KHDRBS2: variants seen among roughly 807,000 people sequenced by gnomAD.
KHDRBS2 encodes the protein KH RNA binding domain containing, signal transduction associated 2.
KHDRBS2 carries 26 observed loss-of-function variants against 44.3 expected under a neutral mutation model. The ratio of observed to expected loss-of-function variants is 0.59; its 90% CI spans 0.43 to 0.81. KHDRBS2 has a LOEUF of 0.81. Ranked by LOEUF, KHDRBS2 falls within the 40% of genes least tolerant of loss-of-function variation. KHDRBS2 has a pLI of 0.00. For missense variants in KHDRBS2, 476 were observed against 433.1 expected, an observed-to-expected ratio of 1.10 and a Z score of -0.88; for synonymous variants, 194 against 151.1, an observed-to-expected ratio of 1.28 and a Z score of -2.08.
chr6:61,566,935 T>C, the KHDRBS2 span, among the ~76,000 whole-genome samples: 1 of 152,096 alleles, frequency 6.6e-6, no homozygotes, highest in South Asian at 2.1e-4. Flanking sequence ...ACTAATGCAA[T>C]AGGGAAGAAA....
chr6:61,745,316 C>T (rs1318301497), intron 6 of KHDRBS2, among the ~76,000 whole-genome samples: 2 of 152,050 alleles, frequency 1.3e-5, no homozygotes, highest in Non-Finnish European at 2.9e-5. Context: ...AGTAGGTTTC[C>T]TTCGACTCCC....
chr6:61,958,503 T>A (rs1223327436), intron 4 of KHDRBS2, among the ~76,000 whole-genome samples: 4 of 152,212 alleles, frequency 2.6e-5, no homozygotes, highest in Non-Finnish European at 5.9e-5. Flanking sequence ...TCTAACAAAC[T>A]ATTCATTGAT....
chr6:61,859,774 A>G (rs1796657886), intron 6 of KHDRBS2, among the ~76,000 whole-genome samples: 1 of 152,036 alleles, frequency 6.6e-6, no homozygotes, highest in South Asian at 2.1e-4. Context: ...TAACATATGT[A>G]TATAAATAGA....
chr6:61,944,804 T>C (rs914287460), intron 4 of KHDRBS2, among the ~76,000 whole-genome samples: 1 of 151,508 alleles, frequency 6.6e-6, no homozygotes, highest in African/African-American at 2.4e-5. Context: ...GTAAAAAACA[T>C]ATGAGGCTGG....
chr6:62,136,063 A>G (rs541494859), intron 2 of KHDRBS2, among the ~76,000 whole-genome samples: 1 of 152,180 alleles, frequency 6.6e-6, no homozygotes, highest in Admixed American at 6.5e-5. Flanking sequence ...TCACCACAAA[A>G]AAAAAAAAGG....
intron 7 of KHDRBS2, among the ~76,000 whole-genome samples, chr6:61,711,383 T>C (rs1367263122): frequency 6.6e-6 from 1 of 151,806 alleles, no homozygotes; most frequent in Non-Finnish European, 1.5e-5. Flanking sequence ...GAATTTATAT[T>C]CAAAAGATAG....
chr6:62,123,117 C>G (rs952654897), intron 2 of KHDRBS2, among the ~76,000 whole-genome samples: 2 of 152,056 alleles, frequency 1.3e-5, no homozygotes, highest in Non-Finnish European at 2.9e-5. Flanking sequence ...TCTCATTGTT[C>G]AACTCTCACC....
At chr6:61,950,030 T>C (rs1016451381) in intron 4 of KHDRBS2, among the ~76,000 whole-genome samples, 1 of 152,070 alleles carries the variant, frequency 6.6e-6, no homozygotes, top group African/African-American at 2.4e-5. Context: ...AAGCTGGTTG[T>C]TGTTATTTCT....
intron 7 of KHDRBS2, among the ~76,000 whole-genome samples, chr6:61,727,146 T>A (rs564893004): frequency 4.7e-4 from 71 of 151,952 alleles, no homozygotes; most frequent in Middle Eastern, 3.4e-3. Flanking sequence ...GATCTTCTGA[T>A]CTTCAACAAA....
At chr6:62,116,154 GCTAA>G (rs1056442101) in intron 2 of KHDRBS2, among the ~76,000 whole-genome samples, 7 of 152,114 alleles carry the variant, frequency 4.6e-5, no homozygotes, top group Admixed American at 2.6e-4. Context: ...ATTAAATCAA[GCTAA>G]CTAATAGATC....
At chr6:61,980,716 C>G (rs1773658656) in intron 3 of KHDRBS2, among the ~76,000 whole-genome samples, 1 of 151,974 alleles carries the variant, frequency 6.6e-6, no homozygotes, top group African/African-American at 2.4e-5. Context: ...AAAACTACAC[C>G]TCAGCTAAAC....
At chr6:62,044,997 T>C (rs1344155479) in intron 3 of KHDRBS2, among the ~76,000 whole-genome samples, 1 of 151,958 alleles carries the variant, frequency 6.6e-6, no homozygotes, top group East Asian at 1.9e-4. Context: ...AATATATAAA[T>C]TTAGCATCTA....
chr6:62,264,257 C>T (rs968853368), intron 1 of KHDRBS2, among the ~76,000 whole-genome samples: 3 of 151,756 alleles, frequency 2.0e-5, no homozygotes, highest in African/African-American at 7.2e-5. Flanking sequence ...TTCCTTAACG[C>T]TAGTTTTAAA....
At chr6:61,955,001 T>G (rs111209842) in intron 4 of KHDRBS2, among the ~76,000 whole-genome samples, 2 of 140,284 alleles carry the variant, frequency 1.4e-5, no homozygotes, top group African/African-American at 2.6e-5. Flanking sequence ...TATATAGACA[T>G]ACATATGTAT....
chr6:62,202,061 T>C lies in KHDRBS2; in HGVS notation c.92-24749A>G, dbSNP rs563532559. 3.9e-5 allele frequency among the ~76,000 whole-genome samples: 6 copies of C among 152,256 alleles called. No individual in the cohort carries two copies. The East Asian group carries it at 1.2e-3, about 29-fold the overall frequency. Reference sequence around the variant, plus strand: ...TAAAAAGTAGTTTTCAAGCATATAATACGTGAAAATAATCTTACAGAGAAA... The same window carrying C: ...TAAAAAGTAGTTTTCAAGCATATAACACGTGAAAATAATCTTACAGAGAAA... On this transcript the variant is annotated intron_variant, in intron 1 of 8. Transcript: ENST00000281156.
downstream of KHDRBS2, among the ~76,000 whole-genome samples, chr6:61,678,547 C>T (rs1251999524): frequency 2.0e-5 from 3 of 152,034 alleles, no homozygotes; most frequent in East Asian, 2.0e-4. Context: ...AGTTCCTTCT[C>T]CTATAACCAA....
intron 4 of KHDRBS2, among the ~76,000 whole-genome samples, chr6:61,941,457 G>A (rs1381903050): frequency 6.6e-6 from 1 of 151,998 alleles, no homozygotes; most frequent in Admixed American, 6.6e-5. Flanking sequence ...CCTAAGAATA[G>A]GCCAAACTGG....
intron 1 of KHDRBS2, among the ~76,000 whole-genome samples, chr6:62,240,580 T>C (rs9342744): frequency 2.0e-5 from 3 of 148,824 alleles, no homozygotes; most frequent in African/African-American, 7.4e-5. Flanking sequence ...TACATATACA[T>C]ATATACATAA....
At chr6:61,651,414 T>C in the KHDRBS2 span, among the ~76,000 whole-genome samples, 1 of 152,106 alleles carries the variant, frequency 6.6e-6, no homozygotes, top group Admixed American at 6.6e-5. Context: ...ATTTTCCTCT[T>C]GGGGATGCTG....
Sources: gnomAD v4.1 joint callset for allele counts (sites outside exome capture counted in the v4.1 genomes callset) on GRCh38, gnomAD v4.1.1 for gene constraint, MANE v1.5 for transcripts, NCBI Gene and HGNC (gene_info 2026-07-23, HGNC 2026-07-21) for gene names.